ZNF714: variants seen among roughly 807,000 people sequenced by gnomAD.
ZNF714 encodes zinc finger protein 714.
In ZNF714, 32 loss-of-function variants were observed where a neutral mutation model predicts 46.2. The observed-to-expected ratio is 0.69, with a 90% confidence interval of 0.52 to 0.93. The LOEUF is 0.93. Among genes scored for constraint, ZNF714 ranks in the 40% least tolerant of loss-of-function variants. ZNF714 has a pLI of 0.00. For missense variants in ZNF714, 635 were observed against 646.3 expected, an observed-to-expected ratio of 0.98 and a Z score of 0.19; for synonymous variants, 199 against 213.1, an observed-to-expected ratio of 0.93 and a Z score of 0.58.
In ZNF714 at chr19:21,124,043, C is replaced by G. The variant is rs1275084450; in HGVS notation, c.*5711C>G. 6.6e-6 allele frequency: 1 copy of G among 152,150 alleles called. No homozygotes were observed. Among genetic ancestry groups the G allele is most frequent in the Non-Finnish European group, 1.5e-5 (1 of 68,042 alleles). 9.4% of individuals were successfully genotyped at this position (152,150 alleles called of 1,614,324 possible). A position where few individuals can be genotyped will look rare whatever the true frequency, so the allele number is the denominator to read the frequency against. On this transcript the variant is annotated 3_prime_UTR_variant, in exon 5 of 5. Coordinates refer to ENST00000456283, the MANE Select transcript of ZNF714 (RefSeq NM_182515.4). ...TAAGCAACACCTGCCCCTTTAGTGG[C>G]TTTCATACCATTACCACCAGTACCA...
chr19:21,100,115 A>G (rs576901229), intron 4 of ZNF714, among the ~76,000 whole-genome samples: 2 of 152,218 alleles, frequency 1.3e-5, no homozygotes, highest in East Asian at 3.9e-4. Context: ...TGGCCTCCCA[A>G]AGTGCTGGGA....
chr19:21,109,838 TGTC>T (rs1200315603), intron 4 of ZNF714, among the ~76,000 whole-genome samples: 1 of 152,148 alleles, frequency 6.6e-6, no homozygotes, highest in Admixed American at 6.6e-5. Flanking sequence ...AGTGAGAACA[TGTC>T]GTGTTTGGTT....
Position 21,118,096 on chromosome 19 carries a change from G to A in ZNF714, c.1432G>A (p.Glu478Lys), listed in dbSNP as rs1392710737. Residue 478 changes from glutamate to lysine, a missense_variant, in exon 5 of 5, where the codon GAG becomes AAG. By Grantham distance (56) the Glu-to-Lys change is moderately conservative. Coordinates refer to ENST00000456283, the MANE Select transcript of ZNF714 (RefSeq NM_182515.4). Reference protein sequence around the residue: ...LTKHNIIHTGEKSYKCEECGK... With the variant: ...LTKHNIIHTGKKSYKCEECGK... Reference sequence around the variant, plus strand: ...TAAACATAACATAATTCATACTGGAGAGAAATCTTACAAATGTGAAGAATG... The same window carrying A: ...TAAACATAACATAATTCATACTGGAAAGAAATCTTACAAATGTGAAGAATG... The A allele has an allele frequency of 6.2e-7, 1 of 1,613,862 alleles. No homozygotes were observed. The highest frequency in any genetic ancestry group is 8.5e-7 in the Non-Finnish European group (1 of 1,179,872).
chr19:21,098,962 A>AT (rs1969107826), intron 4 of ZNF714, 52 bp downstream of exon 4: 21 of 1,026,434 alleles, frequency 2.0e-5, no homozygotes, highest in Non-Finnish European at 2.9e-5. Context: ...ACAAAGGTAA[A>AT]AAAAAAAAAA....
At chr19:21,092,070 T>C (rs1189782021) in intron 2 of ZNF714, among the ~76,000 whole-genome samples, 3 of 151,948 alleles carry the variant, frequency 2.0e-5, no homozygotes, top group Admixed American at 1.3e-4. Context: ...GGAATAAAAC[T>C]CTTGGTATCT....
chr19:21,086,279 G>T (rs1266894229), intron 2 of ZNF714, among the ~76,000 whole-genome samples: 1 of 152,072 alleles, frequency 6.6e-6, no homozygotes, highest in Non-Finnish European at 1.5e-5. Flanking sequence ...CCCACAAGAG[G>T]GTTCTTGATT....
At chr19:21,107,622 C>T (rs897281517) in intron 4 of ZNF714, among the ~76,000 whole-genome samples, 6 of 139,602 alleles carry the variant, frequency 4.3e-5, no homozygotes, top group African/African-American at 2.0e-4. Flanking sequence ...GTAGTTTGTA[C>T]TGACATCTTA....
In ZNF714 at chr19:21,123,466, C is replaced by G. The variant is rs1484639146; in HGVS notation, c.*5134C>G. 1.3e-5 allele frequency among the ~76,000 whole-genome samples: 2 copies of G among 151,914 alleles called. No homozygotes were observed. Among genetic ancestry groups the G allele is most frequent in the Non-Finnish European group, 1.5e-5 (1 of 67,986 alleles). On this transcript the variant is annotated 3_prime_UTR_variant, in exon 5 of 5. Coordinates refer to ENST00000456283, the MANE Select transcript of ZNF714 (RefSeq NM_182515.4). ...GCCTTCCGGGTTCACGCCATTCTCCCGCCTCAGCCTCCCGAGTAGCTGGGA... is the reference window on the plus strand; with the variant it reads ...GCCTTCCGGGTTCACGCCATTCTCCGGCCTCAGCCTCCCGAGTAGCTGGGA...
rs754447105 is a variant in ZNF714, at chr19:21,117,165, T to C, written c.501T>C (p.His167=). ...ACCTACATCAACATAAAAGAATTCA[T>C]ATTAGAGAGAATTCTTACCAATGTG... ...LLHLHQHKRI[H]IRENSYQCEE... Residue 167 remains histidine, a synonymous_variant, in exon 5 of 5, where the codon CAT becomes CAC. Transcript: ENST00000456283. The C allele has an allele frequency of 6.2e-7, 1 of 1,614,034 alleles. No individual in the cohort carries two copies. The highest frequency in any genetic ancestry group is 1.7e-5 in the Admixed American group (1 of 60,014).
chr19:21,100,808 T>TCAAA (rs1404125888), intron 4 of ZNF714, among the ~76,000 whole-genome samples: 1 of 152,072 alleles, frequency 6.6e-6, no homozygotes, highest in African/African-American at 2.4e-5. Flanking sequence ...CCTCCTGGGT[T>TCAAA]CAAATGATTC....
rs1969758862 is a variant in ZNF714, at chr19:21,124,337, A to G, written c.*6005A>G. 1.3e-5 allele frequency: 2 copies of G among 152,212 alleles called. No homozygotes were observed. The highest frequency in any genetic ancestry group is 1.3e-4 in the Admixed American group (2 of 15,286). 9.4% of individuals were successfully genotyped at this position (152,212 alleles called of 1,614,324 possible). On this transcript the variant is annotated 3_prime_UTR_variant, in exon 5 of 5. Transcript: ENST00000456283. ...AAAATGTGTACTTTTTCTGTAGAAC[A>G]TAATATTTTGAACATGCTGTTAAAT... is the stretch of plus-strand genomic sequence containing the variant.
At chr19:21,089,906 T>G (rs1220877651) in intron 2 of ZNF714, among the ~76,000 whole-genome samples, 1 of 151,862 alleles carries the variant, frequency 6.6e-6, no homozygotes, top group Non-Finnish European at 1.5e-5. Context: ...TGTACCCTTT[T>G]GCCAGCATGC....
At chr19:21,115,245 T>A (rs1417219266) in intron 4 of ZNF714, among the ~76,000 whole-genome samples, 1 of 150,036 alleles carries the variant, frequency 6.7e-6, no homozygotes, top group Non-Finnish European at 1.5e-5. Context: ...TAATGATTTC[T>A]ATTCTTTTAC....
rs1377439663 is a variant in ZNF714 at position 21,117,786 on chromosome 19, T to A, written c.1122T>A (p.Cys374Ter). ...AGAAACCCTACAAATGTGAAGAATG[T>A]GGCAAAGCCTTTAACCACTCCTCAA... is the stretch of plus-strand genomic sequence containing the variant. Reference protein sequence around the residue: ...TGEKPYKCEECGKAFNHSSKL... With the variant: ...TGEKPYKCEE The change falls in exon 5 of 5, where the codon TGT (cysteine) becomes TGA (stop). Residue 374 changes from cysteine to a stop codon, truncating the protein, a stop_gained. Transcript: ENST00000456283. LOFTEE classifies it high-confidence loss of function. 2 of 1,613,602 alleles carry A rather than the reference T, an allele frequency of 1.2e-6. No homozygotes were observed. The highest frequency in any genetic ancestry group is 1.7e-6 in the Non-Finnish European group (2 of 1,179,954).
At chr19:21,110,552 C>T (rs1969428250) in intron 4 of ZNF714, among the ~76,000 whole-genome samples, 1 of 152,124 alleles carries the variant, frequency 6.6e-6, no homozygotes, top group East Asian at 1.9e-4. Flanking sequence ...ATTGTCTGTT[C>T]ACTCTGACAA....
intron 2 of ZNF714, among the ~76,000 whole-genome samples, chr19:21,093,116 G>A (rs1424245103): frequency 6.6e-6 from 1 of 151,840 alleles, no homozygotes. Context: ...GTGTTAGCCA[G>A]GATGATCTCA....
intron 4 of ZNF714, among the ~76,000 whole-genome samples, chr19:21,111,217 T>TTTTTA (rs1969443273): frequency 6.7e-6 from 1 of 149,804 alleles, no homozygotes; most frequent in Admixed American, 6.6e-5. Context: ...CTTTCTGTCT[T>TTTTTA]TTTGTTTGTG....
At chr19:21,092,188 G>T (rs1234455177) in intron 2 of ZNF714, among the ~76,000 whole-genome samples, 1 of 152,000 alleles carries the variant, frequency 6.6e-6, no homozygotes, top group Non-Finnish European at 1.5e-5. Flanking sequence ...TAGAGGAAAG[G>T]AGCTCTGATG....
chr19:21,110,134 A>G (rs906844216), intron 4 of ZNF714, among the ~76,000 whole-genome samples: 3 of 152,220 alleles, frequency 2.0e-5, no homozygotes, highest in African/African-American at 4.8e-5. Context: ...GTTGGGTCCA[A>G]TAGTATATCT....
Sources: gnomAD v4.1 joint callset for allele counts (sites outside exome capture counted in the v4.1 genomes callset) on GRCh38, gnomAD v4.1.1 for gene constraint, MANE v1.5 for transcripts, NCBI Gene and HGNC (gene_info 2026-07-23, HGNC 2026-07-21) for gene names.